HEMK2: variants seen among roughly 807,000 people sequenced by gnomAD.
HEMK2 encodes methyltransferase HEMK2.
the HEMK2 span, among the ~76,000 whole-genome samples, chr21:28,717,682 G>T: frequency 6.6e-6 from 1 of 151,968 alleles, no homozygotes; most frequent in Non-Finnish European, 1.5e-5. Flanking sequence ...GTTTCACCTT[G>T]TTGGCCAGGC....
chr21:28,688,683 A>T, the HEMK2 span, among the ~76,000 whole-genome samples: 1 of 152,200 alleles, frequency 6.6e-6, no homozygotes, highest in African/African-American at 2.4e-5. Context: ...TCAGATATGT[A>T]CACTACAGAT....
the HEMK2 span, among the ~76,000 whole-genome samples, chr21:28,746,794 T>G: frequency 6.6e-6 from 1 of 151,676 alleles, no homozygotes; most frequent in East Asian, 1.9e-4. Context: ...AATAAGGCCA[T>G]TGGCAGGGGT....
the HEMK2 span, among the ~76,000 whole-genome samples, chr21:28,864,483 A>G: frequency 1.2e-3 from 177 of 152,256 alleles, no homozygotes; most frequent in African/African-American, 4.1e-3. Flanking sequence ...TCCCATGAAG[A>G]CTGTCCTTTG....
At chr21:28,803,375 T>G in the HEMK2 span, among the ~76,000 whole-genome samples, 1 of 152,170 alleles carries the variant, frequency 6.6e-6, no homozygotes, top group East Asian at 1.9e-4. Flanking sequence ...AAATGGCCTT[T>G]GTATACATAG....
At chr21:28,831,466 A>AAGAAC in the HEMK2 span, among the ~76,000 whole-genome samples, 25 of 27,478 alleles carry the variant, frequency 9.1e-4, no homozygotes, top group African/African-American at 4.1e-3. Context: ...AAAGAACGAA[A>AAGAAC]GAAAGAAAGA....
the HEMK2 span, among the ~76,000 whole-genome samples, chr21:28,804,533 A>T: frequency 6.6e-6 from 1 of 152,140 alleles, no homozygotes; most frequent in South Asian, 2.1e-4. Context: ...CCAGGAGTTC[A>T]AGACCAGCCT....
chr21:28,588,248 C>T, the HEMK2 span, among the ~76,000 whole-genome samples: 1 of 152,110 alleles, frequency 6.6e-6, no homozygotes, highest in Admixed American at 6.6e-5. Flanking sequence ...ATTTGGGGCA[C>T]CAAAAAGGCC....
the HEMK2 span, among the ~76,000 whole-genome samples, chr21:28,790,533 C>T: frequency 0.18 from 27,096 of 151,898 alleles, 3,049 homozygotes; most frequent in East Asian, 0.41. Context: ...GTGAAAGACA[C>T]AGCACAAGAA....
the HEMK2 span, chr21:28,874,300 G>A: frequency 5.3e-5 from 8 of 152,244 alleles, 1 homozygote; most frequent in Admixed American, 2.0e-4. Flanking sequence ...CACCCTGCGC[G>A]AAGGGAAAGT....
the HEMK2 span, among the ~76,000 whole-genome samples, chr21:28,646,374 G>A: frequency 2.0e-5 from 3 of 152,178 alleles, no homozygotes; most frequent in Non-Finnish European, 4.4e-5. Context: ...GACAGAGGGA[G>A]AAGAGGATAT....
chr21:28,663,865 C>T, the HEMK2 span, among the ~76,000 whole-genome samples: 1 of 152,136 alleles, frequency 6.6e-6, no homozygotes, highest in Non-Finnish European at 1.5e-5. Flanking sequence ...TTCAAGAGAG[C>T]GGGCATCTCT....
chr21:28,835,500 C>G, the HEMK2 span, among the ~76,000 whole-genome samples: 76 of 152,216 alleles, frequency 5.0e-4, no homozygotes, highest in African/African-American at 1.6e-3. Flanking sequence ...GCCTTCAGTC[C>G]TAGACCTTCC....
chr21:28,762,602 T>C, the HEMK2 span, among the ~76,000 whole-genome samples: 1 of 152,160 alleles, frequency 6.6e-6, no homozygotes, highest in Non-Finnish European at 1.5e-5. Context: ...CAAAAGTTTA[T>C]GTGTTGGAAA....
the HEMK2 span, among the ~76,000 whole-genome samples, chr21:28,711,917 C>T: frequency 6.6e-6 from 1 of 152,136 alleles, no homozygotes. Flanking sequence ...CCTTACATGG[C>T]AGAAAAGAGG....
At chr21:28,675,526 A>G in the HEMK2 span, among the ~76,000 whole-genome samples, 1 of 152,206 alleles carries the variant, frequency 6.6e-6, no homozygotes, top group African/African-American at 2.4e-5. Context: ...TTGAACACAA[A>G]TGTTACAAGA....
the HEMK2 span, among the ~76,000 whole-genome samples, chr21:28,682,346 A>T: frequency 5.9e-5 from 9 of 152,102 alleles, no homozygotes; most frequent in African/African-American, 2.2e-4. Flanking sequence ...TCAAAACCAC[A>T]ATGAGATACC....
the HEMK2 span, among the ~76,000 whole-genome samples, chr21:28,641,372 T>A: frequency 6.6e-6 from 1 of 152,150 alleles, no homozygotes; most frequent in African/African-American, 2.4e-5. Flanking sequence ...GTGGTGACAA[T>A]GAACTTGCAG....
chr21:28,656,329 T>G, the HEMK2 span, among the ~76,000 whole-genome samples: 1 of 152,140 alleles, frequency 6.6e-6, no homozygotes, highest in African/African-American at 2.4e-5. Context: ...CACTAACGGC[T>G]TGTGGAGAGG....
the HEMK2 span, among the ~76,000 whole-genome samples, chr21:28,589,600 G>A: frequency 6.6e-6 from 1 of 152,102 alleles, no homozygotes; most frequent in African/African-American, 2.4e-5. Flanking sequence ...GACAGTGGGA[G>A]CCAAGTTTCT....
Sources: allele counts gnomAD v4.1 joint callset (sites outside exome capture counted in the v4.1 genomes callset), GRCh38; gene constraint gnomAD v4.1.1; transcripts MANE v1.5; gene names NCBI Gene and HGNC (gene_info 2026-07-23, HGNC 2026-07-21).